MUC5AC: variants seen among roughly 807,000 people sequenced by gnomAD.
MUC5AC encodes mucin-5AC.
A neutral mutation model predicts 169.7 loss-of-function variants in MUC5AC; 158 were observed. The ratio of observed to expected loss-of-function variants is 0.93; its 90% CI spans 0.82 to 1.06. MUC5AC has a LOEUF of 1.06. Ranked by LOEUF, MUC5AC falls within the 50% of genes least tolerant of loss-of-function variation. The pLI, the probability that MUC5AC is intolerant of heterozygous loss-of-function variation, is 0.00. For missense variants in MUC5AC, 4,359 were observed against 3,089.9 expected, an observed-to-expected ratio of 1.41 and a Z score of -9.74; for synonymous variants, 1,975 against 1,237.0, an observed-to-expected ratio of 1.60 and a Z score of -12.52.
rs2133758863 is a variant in MUC5AC at position 1,186,536 on chromosome 11, C to T, written c.8391C>T (p.Thr2797=). ...CTTTGTCTCCTACAACCAGCACAAC[C>T]TCTACTACTATAACCAGCACAACTT... is the stretch of plus-strand genomic sequence containing the variant. ...STTLSPTTST[T]STTITSTTSA... Residue 2797 remains threonine (T), a synonymous_variant, in exon 31 of 49, where the codon ACC becomes ACT. Transcript: ENST00000621226. 3 of 699,498 alleles carry T rather than the reference C, an allele frequency of 4.3e-6. No individual in the cohort carries two copies. Among genetic ancestry groups the T allele is most frequent in the Non-Finnish European group, 7.8e-6 (3 of 382,986 alleles). 43.3% of individuals were successfully genotyped at this position (699,498 alleles called of 1,614,324 possible). A position where few individuals can be genotyped will look rare whatever the true frequency, so the allele number is the denominator to read the frequency against.
rs778345946 is a variant in MUC5AC at position 1,196,405 on chromosome 11, G to A, written c.15655G>A (p.Asp5219Asn). ...CCCCACAGCATTCACCTGCCCAGCC[G>A]ACAAGGTGTACCAGCCCTGCGGCCC... Reference protein sequence around the residue: ...GHMCPFTCPADKVYQPCGPSN... With the variant: ...GHMCPFTCPANKVYQPCGPSN... The change falls in exon 38 of 49, where the codon GAC (aspartate) becomes AAC (asparagine). Residue 5219 changes from aspartate (D) to asparagine (N), a missense_variant. Coordinates refer to ENST00000621226, the MANE Select transcript of MUC5AC (RefSeq NM_001304359.2). 1.3e-5 allele frequency: 10 copies of A among 764,834 alleles called. No individual in the cohort carries two copies. The highest frequency in any genetic ancestry group is 6.8e-5 in the Admixed American group (4 of 59,008). The allele number at this position is 764,834 out of a possible 1,614,324, so 47.4% of individuals were successfully genotyped here.
chr11:1,196,941 G>C (rs1201755538), intron 40 of MUC5AC, 33 bp downstream of exon 40: 1 of 757,166 alleles, frequency 1.3e-6, no homozygotes, highest in East Asian at 2.4e-5. Context: ...GAGGGCACTG[G>C]GGTCCAAGAG....
chr11:1,200,269 ACTGTTGGCG>A (rs1861390308), intron 48 of MUC5AC, among the ~76,000 whole-genome samples, 160 bp from the exon 49 acceptor site: 1 of 152,150 alleles, frequency 6.6e-6, no homozygotes, highest in South Asian at 2.1e-4. Context: ...CCCTGGTGGG[ACTGTTGGCG>A]CCTGGGGAAC....
rs1283379277 is a variant in MUC5AC at position 1,158,030 on chromosome 11, C to T, written c.31C>T (p.Leu11Phe). MSVGRRKLALLWALALALACT... is the reference protein window; with the variant it reads MSVGRRKLALFWALALALACT... ...TGTTGGCCGGAGGAAGCTGGCCCTGCTCTGGGCCCTGGCTCTCGCTCTGGC... is the reference window on the plus strand; with the variant it reads ...TGTTGGCCGGAGGAAGCTGGCCCTGTTCTGGGCCCTGGCTCTCGCTCTGGC... The change falls in exon 1 of 49, where the codon CTC becomes TTC. Residue 11 changes from leucine (L) to phenylalanine (F), a missense_variant. By Grantham distance (22) the Leu-to-Phe change is conservative. Transcript: ENST00000621226. 8.7e-6 allele frequency: 14 copies of T among 1,607,240 alleles called. No individual in the cohort carries two copies. Among genetic ancestry groups the T allele is most frequent in the Non-Finnish European group, 1.2e-5 (14 of 1,178,014 alleles).
At chr11:1,179,029 G>A (rs945155566) in intron 25 of MUC5AC, 63 bp from the exon 26 acceptor site, 3 of 319,496 alleles carry the variant, frequency 9.4e-6, no homozygotes, top group Non-Finnish European at 1.7e-5. Flanking sequence ...GCATGGGCCC[G>A]GTCCCCAAGA....
Position 1,161,972 on chromosome 11 carries a change from G to A in MUC5AC, c.277G>A (p.Asp93Asn), listed in dbSNP as rs750263003. 1.7e-5 allele frequency: 27 copies of A among 1,612,234 alleles called. No individual in the cohort carries two copies. Among genetic ancestry groups the A allele is most frequent in the East Asian group, 6.7e-5 (3 of 44,886 alleles). The change falls in exon 4 of 49, where the codon GAC (aspartate) becomes AAC (asparagine). Residue 93 changes from aspartate to asparagine, a missense_variant. Transcript: ENST00000621226. ...GGGCAGCTTCCACTACAAGACCTTC[G>A]ACGGCGACGTCTTCCGCTTCCCCGG... Reference protein sequence around the residue: ...TWGSFHYKTFDGDVFRFPGLC... With the variant: ...TWGSFHYKTFNGDVFRFPGLC...
rs1315145883 is a variant in MUC5AC at position 1,194,548 on chromosome 11, G to T, written c.15068G>T (p.Arg5023Leu). The T allele has an allele frequency of 2.6e-6, 2 of 763,840 alleles. No individual in the cohort carries two copies. The highest frequency in any genetic ancestry group is 2.4e-5 in the East Asian group (1 of 41,196). The allele number at this position is 763,840 out of a possible 1,614,324, so 47.3% of individuals were successfully genotyped here. ...CGGAAAAACGGCATCGTGGTCTCGC[G>T]CATCGGCGTCAAGATGTACGCGACC... The part of the protein sequence containing the change: ...GFRKNGIVVS[R>L]IGVKMYATIP... The change falls in exon 35 of 49, where the codon CGC becomes CTC. Residue 5023 changes from arginine to leucine, a missense_variant. Transcript: ENST00000621226.
At chr11:1,198,440 A>G (rs1861340172) in intron 43 of MUC5AC, 135 bp downstream of exon 43, 1 of 666,012 alleles carries the variant, frequency 1.5e-6, no homozygotes, top group Non-Finnish European at 2.8e-6. Context: ...GACACAGCCC[A>G]CTATCAAGTG....
Position 1,190,100 on chromosome 11 carries a change from G to C in MUC5AC, c.11955G>C (p.Arg3985Ser), listed in dbSNP as rs1408694137. 1.3e-6 allele frequency: 1 copy of C among 762,274 alleles called. No individual in the cohort carries two copies. The highest frequency in any genetic ancestry group is 2.4e-6 in the Non-Finnish European group (1 of 416,482). 47.2% of individuals were successfully genotyped at this position (762,274 alleles called of 1,614,324 possible). The change falls in exon 31 of 49, where the codon AGG becomes AGC. Residue 3985 changes from arginine to serine, a missense_variant. By Grantham distance (110) the Arg-to-Ser change is moderately radical. Coordinates refer to ENST00000621226, the MANE Select transcript of MUC5AC (RefSeq NM_001304359.2). ...AGGAAACCTACAACAACATCATCAG[G>C]AGTGGGGAAAAAATCTGCCGCCGAC... ...GDKETYNNII[R>S]SGEKICRRPE...
rs1860166213 is a variant in MUC5AC, at chr11:1,162,276, C to T, written c.473+108C>T. ...GGAGGGATGTGGATTTCTCAGGAAGCCCCTGAGAGCAGAGCTGGACATGGG... is the reference window on the plus strand; with the variant it reads ...GGAGGGATGTGGATTTCTCAGGAAGTCCCTGAGAGCAGAGCTGGACATGGG... On this transcript the variant is annotated intron_variant, in intron 4 of 48. Coordinates refer to ENST00000621226, the MANE Select transcript of MUC5AC (RefSeq NM_001304359.2). The T allele has an allele frequency of 1.9e-5, 28 of 1,469,242 alleles. No individual in the cohort carries two copies. In the South Asian group the frequency reaches 3.3e-4, roughly 17 times the overall value. 91.0% of individuals were successfully genotyped at this position (1,469,242 alleles called of 1,614,324 possible).
At chr11:1,179,471 A>AGGGCGTGGCTGACAGAGGGGTCGC (rs1860761395) in intron 26 of MUC5AC, among the ~76,000 whole-genome samples, 1 of 151,196 alleles carries the variant, frequency 6.6e-6, no homozygotes, top group East Asian at 1.9e-4. Flanking sequence ...TCTAGAGAGG[A>AGGGCGTGGCTGACAGAGGGGTCGC]GGGCGTGGCT....
Position 1,160,674 on chromosome 11 carries a change from G to T in MUC5AC, c.136G>T (p.Ala46Ser). 1.9e-6 allele frequency: 3 copies of T among 1,610,054 alleles called. No individual in the cohort carries two copies. Among genetic ancestry groups the T allele is most frequent in the Non-Finnish European group, 1.7e-6 (2 of 1,179,428 alleles). ...YKHHPALSPI[A>S]RGPSGVPLRG... is the part of the protein sequence containing the mutation. Reference sequence around the variant, plus strand: ...GCACCACCCTGCCCTCTCTCCTATCGCCCGGGGGCCCAGCGGTGAGTCTGA... The same window carrying T: ...GCACCACCCTGCCCTCTCTCCTATCTCCCGGGGGCCCAGCGGTGAGTCTGA... The change falls in exon 2 of 49, where the codon GCC becomes TCC. Residue 46 changes from alanine to serine, a missense_variant. By Grantham distance (99) the Ala-to-Ser change is moderately conservative. Transcript: ENST00000621226.
In MUC5AC at chr11:1,195,859, G is replaced by A. The variant is rs1162594184; in HGVS notation, c.15459-17G>A. ...CCGGAGAGGCTGCACCCAGCACCCT[G>A]CCCATCCCTCCCACAGGGTCTTTGA... is the stretch of plus-strand genomic sequence containing the variant. On this transcript the variant is annotated splice_polypyrimidine_tract_variant and intron_variant, in intron 36 of 48. Transcript: ENST00000621226. The A allele has an allele frequency of 4.5e-6, 3 of 664,940 alleles. No individual in the cohort carries two copies. The highest frequency in any genetic ancestry group is 2.7e-5 in the South Asian group (2 of 72,790). The allele number at this position is 664,940 out of a possible 1,614,324, so 41.2% of individuals were successfully genotyped here.
rs1437154079 is a variant in MUC5AC, at chr11:1,190,113, A to G, written c.11968A>G (p.Ile3990Val). Reference protein sequence around the residue: ...YNNIIRSGEKICRRPEEITRL... With the variant: ...YNNIIRSGEKVCRRPEEITRL... ...CAACATCATCAGGAGTGGGGAAAAA[A>G]TCTGCCGCCGACCTGAGGAGATCAC... is the stretch of plus-strand genomic sequence containing the variant. The change falls in exon 31 of 49, where the codon ATC becomes GTC. Residue 3990 changes from isoleucine (I) to valine (V), a missense_variant. By Grantham distance (29) the Ile-to-Val change is conservative. Coordinates refer to ENST00000621226, the MANE Select transcript of MUC5AC (RefSeq NM_001304359.2). 3 of 762,044 alleles carry G rather than the reference A, an allele frequency of 3.9e-6. No individual in the cohort carries two copies. Among genetic ancestry groups the G allele is most frequent in the African/African-American group, 1.7e-5 (1 of 59,016 alleles). 47.2% of individuals were successfully genotyped at this position (762,044 alleles called of 1,614,324 possible).
chr11:1,158,990 A>G (rs1860045174), intron 1 of MUC5AC, among the ~76,000 whole-genome samples: 1 of 152,200 alleles, frequency 6.6e-6, no homozygotes. Flanking sequence ...AGAAGCAGGA[A>G]TTCTGTCCCG....
In MUC5AC at chr11:1,165,666, C is replaced by T. The variant is rs369462013; in HGVS notation, c.1292C>T (p.Pro431Leu). The T allele has an allele frequency of 8.1e-4, 1,303 of 1,612,436 alleles. 1 individual carries two copies. The highest frequency in any genetic ancestry group is 8.6e-4 in the Non-Finnish European group (1,012 of 1,179,758). Residue 431 changes from proline to leucine, a missense_variant, in exon 11 of 49, where the codon CCG (proline) becomes CTG (leucine). Physicochemically the swap from Pro to Leu is moderately conservative, Grantham distance 98 (BLOSUM62 -3). Coordinates refer to ENST00000621226, the MANE Select transcript of MUC5AC (RefSeq NM_001304359.2). ...GRWSCQEVPC[P>L]GTCSVLGGAH... ...TGGAGCTGCCAGGAGGTTCCATGCC[C>T]GGGTACCTGCTCTGTGCTTGGAGGT...
chr11:1,188,059 G>A lies in MUC5AC; in HGVS notation c.9914G>A (p.Gly3305Glu). Residue 3305 changes from glycine to glutamate, a missense_variant, in exon 31 of 49, where the codon GGA becomes GAA. Gly to Glu is a moderately conservative substitution (Grantham distance 98, BLOSUM62 -2). Coordinates refer to ENST00000621226, the MANE Select transcript of MUC5AC (RefSeq NM_001304359.2). ...GLVCRNQDQQ[G>E]PFKMCLNYEV... is the part of the protein sequence containing the mutation. Reference sequence around the variant, plus strand: ...GTGTGCCGGAACCAGGACCAGCAGGGACCCTTCAAGATGTGCCTCAACTAC... The same window carrying A: ...GTGTGCCGGAACCAGGACCAGCAGGAACCCTTCAAGATGTGCCTCAACTAC... The A allele has an allele frequency of 1.3e-6, 1 of 749,162 alleles. No homozygotes were observed. Among genetic ancestry groups the A allele is most frequent in the Non-Finnish European group, 2.4e-6 (1 of 409,564 alleles). 46.4% of individuals were successfully genotyped at this position (749,162 alleles called of 1,614,324 possible). A position where few individuals can be genotyped will look rare whatever the true frequency, so the allele number is the denominator to read the frequency against.
Position 1,190,408 on chromosome 11 carries a change from G to A in MUC5AC, c.12263G>A (p.Arg4088Lys). 1.5e-6 allele frequency: 1 copy of A among 662,956 alleles called. No homozygotes were observed. The highest frequency in any genetic ancestry group is 1.7e-5 in the South Asian group (1 of 59,536). The allele number at this position is 662,956 out of a possible 1,614,324, so 41.1% of individuals were successfully genotyped here. A position where few individuals can be genotyped will look rare whatever the true frequency, so the allele number is the denominator to read the frequency against. The change falls in exon 31 of 49, where the codon AGG (arginine) becomes AAG (lysine). Residue 4088 changes from arginine (R) to lysine (K), a missense_variant. Arg to Lys is a conservative substitution (Grantham distance 26). Transcript: ENST00000621226. ...AGCACTTCCTCTTGGCAGAAATCCA[G>A]GACAACCACTTTGGTGACAACCAGC... The part of the protein sequence containing the change: ...TQSTSSWQKS[R>K]TTTLVTTSTT...
chr11:1,165,391 G>A lies in MUC5AC; in HGVS notation c.1219G>A (p.Ala407Thr), dbSNP rs1408332371. ...VYNGAAYAPGATYSTDCTNCT... is the reference protein window; with the variant it reads ...VYNGAAYAPGTTYSTDCTNCT... The stretch of plus-strand genomic sequence containing the variant: ...CAACGGGGCTGCCTATGCCCCAGGG[G>A]CCACCTACTCCACAGACTGCACCAA... Residue 407 changes from alanine (A) to threonine (T), a missense_variant, in exon 10 of 49, where the codon GCC becomes ACC. Ala to Thr is a moderately conservative substitution (Grantham distance 58). Coordinates refer to ENST00000621226, the MANE Select transcript of MUC5AC (RefSeq NM_001304359.2). The A allele has an allele frequency of 1.9e-6, 3 of 1,612,274 alleles. No individual in the cohort carries two copies. The highest frequency in any genetic ancestry group is 2.5e-6 in the Non-Finnish European group (3 of 1,179,708).
Sources: allele counts gnomAD v4.1 joint callset (sites outside exome capture counted in the v4.1 genomes callset), GRCh38; gene constraint gnomAD v4.1.1; transcripts MANE v1.5; gene names NCBI Gene and HGNC (gene_info 2026-07-23, HGNC 2026-07-21).